Variants in SCFD2 observed in about 807,000 individuals in gnomAD.
SCFD2 encodes sec1 family domain-containing protein 2.
SCFD2 carries 54 observed loss-of-function variants against 58.9 expected under a neutral mutation model. The ratio of observed to expected loss-of-function variants is 0.92; its 90% CI spans 0.74 to 1.15. The LOEUF (loss-of-function observed/expected upper bound fraction) is 1.15, where lower values mean the gene tolerates loss of function less well. Among genes scored for constraint, SCFD2 ranks in the 50% most tolerant of loss-of-function variants. SCFD2 has a pLI of 0.00. For missense variants in SCFD2, 805 were observed against 836.6 expected, an observed-to-expected ratio of 0.96 and a Z score of 0.47; for synonymous variants, 321 against 335.9, an observed-to-expected ratio of 0.96 and a Z score of 0.49.
intron 2 of SCFD2, among the ~76,000 whole-genome samples, chr4:53,326,096 T>G (rs1168435310): frequency 1.3e-5 from 2 of 152,308 alleles, no homozygotes; most frequent in Middle Eastern, 3.4e-3. Context: ...GAAAAACATT[T>G]CATAGATTTC....
intron 2 of SCFD2, among the ~76,000 whole-genome samples, chr4:53,316,687 A>G (rs1191983059): frequency 6.6e-6 from 1 of 152,228 alleles, no homozygotes; most frequent in Non-Finnish European, 1.5e-5. Context: ...AGATGTACTA[A>G]AGTCACTTGA....
chr4:53,274,257 G>A (rs1227875684), intron 3 of SCFD2, among the ~76,000 whole-genome samples: 2 of 152,100 alleles, frequency 1.3e-5, no homozygotes, highest in Non-Finnish European at 1.5e-5. Context: ...GTTGCCAGTA[G>A]AATTCATTTT....
intron 4 of SCFD2, among the ~76,000 whole-genome samples, chr4:53,149,895 A>C (rs930057310): frequency 6.6e-6 from 1 of 152,216 alleles, no homozygotes; most frequent in Non-Finnish European, 1.5e-5. Flanking sequence ...GAAAGACCCA[A>C]AATCTATCAC....
intron 2 of SCFD2, among the ~76,000 whole-genome samples, chr4:53,348,930 A>G (rs2149159576): frequency 6.6e-6 from 1 of 152,200 alleles, no homozygotes; most frequent in Non-Finnish European, 1.5e-5. Context: ...CATGTTAACC[A>G]GGCTGGTCTC....
At chr4:52,876,756 GAAAAA>G (rs761229349) in intron 8 of SCFD2, among the ~76,000 whole-genome samples, 7 of 54,406 alleles carry the variant, frequency 1.3e-4, no homozygotes, top group Admixed American at 2.3e-4. Flanking sequence ...TCTCTGTCTC[GAAAAA>G]AAAAAAAAAA....
intron 8 of SCFD2, among the ~76,000 whole-genome samples, chr4:52,880,658 T>A (rs1231502385): frequency 1.3e-5 from 2 of 151,980 alleles, no homozygotes; most frequent in Non-Finnish European, 2.9e-5. Flanking sequence ...AAAAAAAGTA[T>A]TGAACTCTGT....
intron 1 of SCFD2, among the ~76,000 whole-genome samples, chr4:53,359,532 C>A (rs1384674988): frequency 6.6e-6 from 1 of 152,128 alleles, no homozygotes; most frequent in Non-Finnish European, 1.5e-5. Context: ...TTGAGACCAG[C>A]CTGCGAACAA....
chr4:53,008,828 T>C (rs1439557521), intron 5 of SCFD2, among the ~76,000 whole-genome samples: 2 of 152,210 alleles, frequency 1.3e-5, no homozygotes, highest in East Asian at 1.9e-4. Context: ...CAAAGTTCAA[T>C]AGAAGTACTT....
intron 5 of SCFD2, among the ~76,000 whole-genome samples, chr4:53,005,361 C>T (rs1721950559): frequency 6.6e-6 from 1 of 152,192 alleles, no homozygotes; most frequent in Admixed American, 6.5e-5. Flanking sequence ...GATAGGAAAG[C>T]CCCTGGCTTG....
At chr4:53,337,112 C>A (rs1374161433) in intron 2 of SCFD2, among the ~76,000 whole-genome samples, 1 of 152,172 alleles carries the variant, frequency 6.6e-6, no homozygotes, top group Non-Finnish European at 1.5e-5. Flanking sequence ...TTTATTTTCT[C>A]ACAGTTCTGG....
intron 4 of SCFD2, among the ~76,000 whole-genome samples, chr4:53,255,431 CT>C (rs1730576608): frequency 6.6e-6 from 1 of 152,024 alleles, no homozygotes; most frequent in African/African-American, 2.4e-5. Context: ...AGCATGCTGC[CT>C]TCAAGCATCT....
At chr4:53,298,861 C>A (rs1273068601) in intron 3 of SCFD2, among the ~76,000 whole-genome samples, 1 of 152,178 alleles carries the variant, frequency 6.6e-6, no homozygotes, top group East Asian at 1.9e-4. Context: ...CCAGTAAACT[C>A]CCACAGACCT....
rs1351721012 is a variant in SCFD2, at chr4:53,119,622, C to T, written c.1561+25711G>A. Among the ~76,000 whole-genome samples the T allele has an allele frequency of 5.9e-5, 9 of 152,330 alleles. No individual in the cohort carries two copies. In the East Asian group the frequency reaches 1.5e-3, roughly 26 times the overall value. ...AAAAATAAAGTCTCCATAAGGTTAG[C>T]ATATACTGTTAGCCCTGTGAGGACT... On this transcript the variant is annotated intron_variant, in intron 5 of 8. Transcript: ENST00000401642.
At chr4:53,279,959 A>C (rs1469676457) in intron 3 of SCFD2, among the ~76,000 whole-genome samples, 1 of 152,164 alleles carries the variant, frequency 6.6e-6, no homozygotes, top group Non-Finnish European at 1.5e-5. Context: ...CTCCCTGGGG[A>C]TTATGGGGAT....
At chr4:52,992,416 G>A (rs1416139696) in intron 5 of SCFD2, among the ~76,000 whole-genome samples, 4 of 152,236 alleles carry the variant, frequency 2.6e-5, no homozygotes, top group African/African-American at 9.6e-5. Flanking sequence ...GCCTCCCAAA[G>A]TGCCGAGATT....
At chr4:52,922,676 T>C (rs752280660) in intron 5 of SCFD2, among the ~76,000 whole-genome samples, 4 of 152,262 alleles carry the variant, frequency 2.6e-5, no homozygotes, top group Non-Finnish European at 1.5e-5. Context: ...GTTTTACATG[T>C]ACATGTTTTT....
intron 4 of SCFD2, among the ~76,000 whole-genome samples, chr4:53,201,962 C>G (rs547478594): frequency 2.0e-5 from 3 of 152,076 alleles, no homozygotes; most frequent in Non-Finnish European, 2.9e-5. Flanking sequence ...AAATTTTCTC[C>G]CATTCTGAAG....
At chr4:53,313,835 A>G in intron 2 of SCFD2, 72 bp from the exon 3 acceptor site, 1 of 1,431,572 alleles carries the variant, frequency 7.0e-7, no homozygotes, top group South Asian at 1.2e-5. Context: ...AAAGCAAAAT[A>G]CTTTTTAAAA....
At chr4:52,899,453 T>C (rs1347850532) in intron 7 of SCFD2, among the ~76,000 whole-genome samples, 1 of 152,230 alleles carries the variant, frequency 6.6e-6, no homozygotes, top group South Asian at 2.1e-4. Context: ...AAAATTCTTT[T>C]CTTTAAGAAT....
Sources: gnomAD v4.1 joint callset for allele counts (sites outside exome capture counted in the v4.1 genomes callset) on GRCh38, gnomAD v4.1.1 for gene constraint, MANE v1.5 for transcripts, NCBI Gene and HGNC (gene_info 2026-07-23, HGNC 2026-07-21) for gene names.